The following BNC2 variants were observed in gnomAD, a reference collection of about 807,000 sequenced individuals.
BNC2 encodes the protein basonuclin zinc finger protein 2, also known as zinc finger protein basonuclin-2.
A neutral mutation model predicts 76.3 loss-of-function variants in BNC2; 20 were observed. That is an observed-to-expected ratio of 0.26 (90% CI 0.18 to 0.38). BNC2 has a LOEUF of 0.38. BNC2 is among the 10% of genes least tolerant of loss of function. The pLI is 1.00. For missense variants in BNC2, 1,382 were observed against 1,399.8 expected (o/e 0.99, Z 0.20); for synonymous variants, 582 against 514.8 (o/e 1.13, Z -1.77).
In BNC2 at chr9:16,411,451, C is replaced by T. The variant is rs1026173032; in HGVS notation, c.*7538G>A. 4 of 152,520 alleles carry T rather than the reference C, an allele frequency of 2.6e-5. No homozygotes were observed. 9.4% of individuals were successfully genotyped at this position (152,520 alleles called of 1,614,324 possible). On this transcript the variant is annotated 3_prime_UTR_variant, in exon 7 of 7. Transcript: ENST00000380672. The stretch of plus-strand genomic sequence containing the variant: ...CATTAAAAAAACTATTACAAACGTC[C>T]TTAAGCATCCCTGGTATTTTAGAGT...
In BNC2 at chr9:16,501,417, G is replaced by C. The variant is rs72717045; in HGVS notation, c.669+51113C>G. ...ATGCTTTTTATATAACCTTCTCAAA[G>C]TTTACAACTTTTCAACACTTTTCAT... is the stretch of plus-strand genomic sequence containing the variant. On this transcript the variant is annotated intron_variant, in intron 5 of 6. Coordinates refer to ENST00000380672, the MANE Select transcript of BNC2 (RefSeq NM_017637.6). Among the ~76,000 whole-genome samples, 191 of 152,192 alleles carry C rather than the reference G, an allele frequency of 1.3e-3. 4 individuals are homozygous for C. The East Asian group carries it at 0.024, about 19-fold the overall frequency.
intron 1 of BNC2, among the ~76,000 whole-genome samples, chr9:16,788,350 G>T (rs367837848): frequency 6.6e-6 from 1 of 151,542 alleles, no homozygotes; most frequent in Non-Finnish European, 1.5e-5. Flanking sequence ...TCAGGAGATC[G>T]AGACCATCCT....
intron 1 of BNC2, among the ~76,000 whole-genome samples, chr9:16,761,130 C>A (rs1456424778): frequency 6.6e-6 from 1 of 151,976 alleles, no homozygotes; most frequent in Non-Finnish European, 1.5e-5. Context: ...TGCCTGTGGT[C>A]CCAGCTACTT....
At chr9:16,481,497 C>A (rs1484081567) in intron 5 of BNC2, among the ~76,000 whole-genome samples, 1 of 152,172 alleles carries the variant, frequency 6.6e-6, no homozygotes, top group African/African-American at 2.4e-5. Context: ...AAACTCCAAA[C>A]ACATCCGAAC....
At chr9:16,735,396 T>TAA (rs879878699) in intron 2 of BNC2, among the ~76,000 whole-genome samples, 3 of 15,968 alleles carry the variant, frequency 1.9e-4, no homozygotes, top group Non-Finnish European at 4.4e-4. Context: ...TAAATGAATT[T>TAA]AAAAAAAAAA....
chr9:16,745,876 C>A (rs1048430600), intron 1 of BNC2, among the ~76,000 whole-genome samples: 1 of 152,128 alleles, frequency 6.6e-6, no homozygotes, highest in Non-Finnish European at 1.5e-5. Flanking sequence ...TTTTCAGTAA[C>A]AGTGGTTCTC....
chr9:16,683,952 A>C (rs1822900541), intron 3 of BNC2, among the ~76,000 whole-genome samples: 1 of 152,194 alleles, frequency 6.6e-6, no homozygotes, highest in African/African-American at 2.4e-5. Context: ...CCAGGAACTT[A>C]GTCTTCTTTG....
chr9:16,764,004 C>T (rs562797513), intron 1 of BNC2, among the ~76,000 whole-genome samples: 3 of 152,158 alleles, frequency 2.0e-5, no homozygotes, highest in Non-Finnish European at 4.4e-5. Flanking sequence ...CCCTTTACTA[C>T]CTATTTATTT....
chr9:16,780,470 A>G lies in BNC2; in HGVS notation c.4-41985T>C, dbSNP rs983563771. ...GCCTGTAGTCCCAGCTACTCGGGAG[A>G]CTGAGGCAAGGGAATCGCCTGAACC... On this transcript the variant is annotated intron_variant, in intron 1 of 6. Transcript: ENST00000380672. 2.0e-4 allele frequency among the ~76,000 whole-genome samples: 30 copies of G among 149,100 alleles called. 1 individual carries two copies. Among genetic ancestry groups the G allele is most frequent in the Admixed American group, 6.7e-5 (1 of 14,962 alleles).
chr9:16,475,708 G>T lies in BNC2; in HGVS notation c.670-38184C>A, dbSNP rs113824166. On this transcript the variant is annotated intron_variant, in intron 5 of 6. Transcript: ENST00000380672. ...CTCCATACAATTCAGATTGCAGGTT[G>T]GGAATACTTTTGCCTGCAACAGAGT... Among the ~76,000 whole-genome samples, 8 of 152,286 alleles carry T rather than the reference G, an allele frequency of 5.3e-5. 2 individuals carry two copies. Among genetic ancestry groups the T allele is most frequent in the African/African-American group, 1.9e-4 (8 of 41,550 alleles).
chr9:16,659,954 T>G (rs1322004412), intron 3 of BNC2, among the ~76,000 whole-genome samples: 2 of 152,196 alleles, frequency 1.3e-5, no homozygotes, highest in East Asian at 1.9e-4. Context: ...AGCAACCAAA[T>G]AGATGCCTGA....
chr9:16,793,859 TG>T (rs1299419512), intron 1 of BNC2, among the ~76,000 whole-genome samples: 82 of 94,708 alleles, frequency 8.7e-4, no homozygotes, highest in African/African-American at 1.8e-3. Context: ...TTGTGGTTTT[TG>T]TTTTTTTGTT....
chr9:16,449,042 T>C (rs867036022), intron 5 of BNC2, among the ~76,000 whole-genome samples: 2 of 152,172 alleles, frequency 1.3e-5, no homozygotes, highest in Middle Eastern at 3.2e-3. Flanking sequence ...TGAAGAAATA[T>C]AGATCAAATA....
At chr9:16,550,821 G>A (rs956483788) in intron 5 of BNC2, among the ~76,000 whole-genome samples, 13 of 152,148 alleles carry the variant, frequency 8.5e-5, no homozygotes, top group African/African-American at 3.1e-4. Context: ...AGAAAGGACT[G>A]TTAGCCAAGC....
intron 5 of BNC2, among the ~76,000 whole-genome samples, chr9:16,492,699 C>A (rs111378255): frequency 6.7e-6 from 1 of 149,274 alleles, no homozygotes; most frequent in African/African-American, 2.5e-5. Flanking sequence ...CTCCATCCTT[C>A]GAGGGTGGTA....
At chr9:16,453,320 T>C (rs572221543) in intron 5 of BNC2, among the ~76,000 whole-genome samples, 1 of 152,268 alleles carries the variant, frequency 6.6e-6, no homozygotes. Flanking sequence ...AAAGAAGCAG[T>C]TTGAGTTGAG....
At chr9:16,421,245 AG>A in intron 6 of BNC2, 1 of 1,296,644 alleles carries the variant, frequency 7.7e-7, no homozygotes, top group Non-Finnish European at 1.0e-6. Context: ...AACTGCACTT[AG>A]GAAGGCTGAG....
At chr9:16,643,885 A>G (rs2133877125) in intron 3 of BNC2, among the ~76,000 whole-genome samples, 1 of 152,284 alleles carries the variant, frequency 6.6e-6, no homozygotes, top group African/African-American at 2.4e-5. Context: ...TTCCTCAAGA[A>G]CAATAGGAAC....
chr9:16,600,452 C>T (rs546905702), intron 3 of BNC2, among the ~76,000 whole-genome samples: 1 of 152,224 alleles, frequency 6.6e-6, no homozygotes, highest in South Asian at 2.1e-4. Flanking sequence ...AGACGTAGTA[C>T]AATTTTAAGT....
Sources: allele counts gnomAD v4.1 joint callset (sites outside exome capture counted in the v4.1 genomes callset), GRCh38; gene constraint gnomAD v4.1.1; transcripts MANE v1.5; gene names NCBI Gene and HGNC (gene_info 2026-07-23, HGNC 2026-07-21).